The following PLXNA4 variants were observed in gnomAD, a reference collection of about 807,000 sequenced individuals.
PLXNA4 encodes plexin A4.
A neutral mutation model predicts 191.8 loss-of-function variants in PLXNA4; 44 were observed. The observed-to-expected ratio is 0.23, with a 90% CI of 0.18 to 0.29. The LOEUF is 0.29. Among genes scored for constraint, PLXNA4 ranks in the 10% least tolerant of loss-of-function variants. The pLI, the probability that PLXNA4 is intolerant of heterozygous loss-of-function variation, is 1.00. For synonymous variants in PLXNA4, 1,082 were observed against 1,009.5 expected, an observed-to-expected ratio of 1.07 and a Z score of -1.36; for missense variants, 1,800 against 2,488.8, an observed-to-expected ratio of 0.72 and a Z score of 5.89.
At chr7:132,282,414 A>G (rs149402744) in intron 4 of PLXNA4, among the ~76,000 whole-genome samples, 2,032 of 151,962 alleles carry the variant, frequency 0.013, 61 homozygotes, top group African/African-American at 0.047. Context: ...CTCTACAAAA[A>G]ATACAAAAAT....
intron 2 of PLXNA4, among the ~76,000 whole-genome samples, chr7:132,626,435 G>T (rs1182214007): frequency 6.6e-6 from 1 of 152,194 alleles, no homozygotes; most frequent in Non-Finnish European, 1.5e-5. Flanking sequence ...TGGAGGTTGG[G>T]CCTGGTGGGA....
intron 3 of PLXNA4, among the ~76,000 whole-genome samples, chr7:132,341,313 T>C (rs770272649): frequency 6.6e-6 from 1 of 152,152 alleles, no homozygotes. Flanking sequence ...GCACCAATTG[T>C]ACAGCACACT....
intron 2 of PLXNA4, among the ~76,000 whole-genome samples, chr7:132,501,834 C>T (rs1265994198): frequency 1.3e-5 from 2 of 152,172 alleles, no homozygotes; most frequent in Non-Finnish European, 2.9e-5. Flanking sequence ...GGCACTCAGA[C>T]CAATGTGTTA....
intron 1 of PLXNA4, among the ~76,000 whole-genome samples, chr7:132,559,524 G>A (rs1250745268): frequency 6.6e-6 from 1 of 152,178 alleles, no homozygotes; most frequent in East Asian, 1.9e-4. Context: ...CTAGTCAGAG[G>A]CCCTGCACTG....
At chr7:132,604,676 TGGGACA>T (rs1802890224) in intron 2 of PLXNA4, among the ~76,000 whole-genome samples, 1 of 147,228 alleles carries the variant, frequency 6.8e-6, no homozygotes, top group Non-Finnish European at 1.5e-5. Context: ...AATTACTTAC[TGGGACA>T]TCTTCCCTAT....
intron 3 of PLXNA4, among the ~76,000 whole-genome samples, chr7:132,369,334 C>T (rs1267054788): frequency 6.6e-6 from 1 of 152,142 alleles, no homozygotes; most frequent in Non-Finnish European, 1.5e-5. Context: ...ATTTTTTCCC[C>T]TTCTCAGCAA....
At chr7:132,420,545 G>A (rs1347094214) in intron 3 of PLXNA4, among the ~76,000 whole-genome samples, 1 of 152,174 alleles carries the variant, frequency 6.6e-6, no homozygotes, top group Non-Finnish European at 1.5e-5. Context: ...AAAGTTCTTT[G>A]CCTTTAAGCA....
At chr7:132,455,064 G>C (rs1796263337) in intron 3 of PLXNA4, among the ~76,000 whole-genome samples, 1 of 152,212 alleles carries the variant, frequency 6.6e-6, no homozygotes, top group Non-Finnish European at 1.5e-5. Flanking sequence ...CACCCTGACT[G>C]AGGAGGTTGG....
chr7:132,414,838 T>A (rs193150182), intron 3 of PLXNA4, among the ~76,000 whole-genome samples: 29 of 152,252 alleles, frequency 1.9e-4, no homozygotes, highest in Non-Finnish European at 3.1e-4. Context: ...CCCACACACC[T>A]CATGGAACCC....
At chr7:132,178,717 C>CAT (rs1206615554) in intron 20 of PLXNA4, among the ~76,000 whole-genome samples, 7 of 118,912 alleles carry the variant, frequency 5.9e-5, no homozygotes, top group African/African-American at 2.5e-4. Flanking sequence ...TACACATACA[C>CAT]ACACACACAC....
intron 17 of PLXNA4, 44 bp from the exon 18 acceptor site, chr7:132,181,664 A>G: frequency 3.1e-6 from 5 of 1,605,092 alleles, no homozygotes; most frequent in Non-Finnish European, 4.3e-6. Context: ...GTATCTCCAC[A>G]TACCCACAGC....
chr7:132,568,435 GCTC>G (rs886629023), intron 1 of PLXNA4, among the ~76,000 whole-genome samples: 10 of 152,144 alleles, frequency 6.6e-5, no homozygotes, highest in Non-Finnish European at 1.3e-4. Context: ...GAATTCTGGG[GCTC>G]CTAATTGGAG....
At chr7:132,183,803 T>A (rs1290516504) in intron 16 of PLXNA4, among the ~76,000 whole-genome samples, 1 of 152,160 alleles carries the variant, frequency 6.6e-6, no homozygotes, top group Non-Finnish European at 1.5e-5. Context: ...CCAAATCTCA[T>A]CTCTGCAGGC....
intron 3 of PLXNA4, among the ~76,000 whole-genome samples, chr7:132,375,523 G>A (rs1405533624): frequency 6.6e-6 from 1 of 152,190 alleles, no homozygotes; most frequent in African/African-American, 2.4e-5. Context: ...CTGCCCTAAA[G>A]GGTCTCATGC....
chr7:132,184,617 A>G (rs1307160344), intron 16 of PLXNA4, among the ~76,000 whole-genome samples: 1 of 152,192 alleles, frequency 6.6e-6, no homozygotes, highest in Non-Finnish European at 1.5e-5. Context: ...CAGGAAGAGT[A>G]CCAATTTGCC....
intron 3 of PLXNA4, among the ~76,000 whole-genome samples, chr7:132,451,140 C>T (rs1796105854): frequency 6.6e-6 from 1 of 152,158 alleles, no homozygotes; most frequent in Non-Finnish European, 1.5e-5. Flanking sequence ...GAGCGTGAGG[C>T]CAGGTGTGGT....
chr7:132,176,006 G>A (rs537193753), intron 20 of PLXNA4, among the ~76,000 whole-genome samples: 8 of 152,136 alleles, frequency 5.3e-5, no homozygotes, highest in African/African-American at 1.2e-4. Context: ...CAAGCCCAGC[G>A]CCCAGTGAGC....
In PLXNA4 at chr7:132,297,980, G is replaced by A. The variant is rs560727392; in HGVS notation, c.1503+111C>T. Reference sequence around the variant, plus strand: ...GTATAACTGAAAAGATACATACTACGCCAAATAAATCAAATCACCTCTCTG... The same window carrying A: ...GTATAACTGAAAAGATACATACTACACCAAATAAATCAAATCACCTCTCTG... On this transcript the variant is annotated intron_variant, in intron 4 of 31. Coordinates refer to ENST00000321063, the MANE Select transcript of PLXNA4 (RefSeq NM_020911.2). 7.2e-6 allele frequency: 10 copies of A among 1,395,310 alleles called. No homozygotes were observed. In the East Asian group the frequency reaches 1.8e-4, roughly 26 times the overall value. 86.4% of individuals were successfully genotyped at this position (1,395,310 alleles called of 1,614,324 possible). A position where few individuals can be genotyped will look rare whatever the true frequency, so the allele number is the denominator to read the frequency against.
intron 4 of PLXNA4, among the ~76,000 whole-genome samples, chr7:132,267,944 A>G (rs935881414): frequency 6.6e-5 from 10 of 152,194 alleles, no homozygotes; most frequent in Admixed American, 6.5e-4. Context: ...ACCCAGAACA[A>G]TAAGCCAGGC....
Sources: gnomAD v4.1 joint callset for allele counts (sites outside exome capture counted in the v4.1 genomes callset) on GRCh38, gnomAD v4.1.1 for gene constraint, MANE v1.5 for transcripts, NCBI Gene and HGNC (gene_info 2026-07-23, HGNC 2026-07-21) for gene names.